Variants in HUS1 observed in about 807,000 individuals in gnomAD.
HUS1 encodes the protein checkpoint protein HUS1.
In HUS1, 31 loss-of-function variants were observed where a neutral mutation model predicts 32.6. The observed-to-expected ratio is 0.95, with a 90% CI of 0.72 to 1.28. HUS1 has a LOEUF of 1.28. HUS1 is among the 50% of genes most tolerant of loss of function. HUS1 has a pLI of 0.00. For synonymous variants in HUS1, 123 were observed against 116.6 expected (o/e 1.06, Z -0.36); for missense variants, 340 against 337.7 (o/e 1.01, Z -0.05).
chr7:47,975,532 G>C, intron 5 of HUS1, 81 bp downstream of exon 5: 1 of 876,796 alleles, frequency 1.1e-6, no homozygotes, highest in Non-Finnish European at 1.9e-6. Context: ...CACCTGCATG[G>C]ACTGCTGCAG....
In HUS1 at chr7:47,976,517, C is replaced by A. The variant is rs983557982; in HGVS notation, c.465+213G>T. On this transcript the variant is annotated intron_variant, in intron 4 of 7. Coordinates refer to ENST00000258774, the MANE Select transcript of HUS1 (RefSeq NM_004507.4). ...TTGTGTTTTAAGTGATGTTACTGAG[C>A]GAGACATTTTCTACATATAGGATGG... 36 of 609,770 alleles carry A rather than the reference C, an allele frequency of 5.9e-5. No homozygotes were observed. The East Asian group carries it at 1.2e-3, about 20-fold the overall frequency. 37.8% of individuals were successfully genotyped at this position (609,770 alleles called of 1,614,324 possible).
Position 47,963,397 on chromosome 7 carries a change from A to G in HUS1, c.*1959T>C, listed in dbSNP as rs1490019547. On this transcript the variant is annotated 3_prime_UTR_variant, in exon 8 of 8. Transcript: ENST00000258774. ...GTATTTGATAATAAACATCACATAG[A>G]GCAAATGGTTAAGTCACTAACACAT... 1 of 152,252 alleles carries G rather than the reference A, an allele frequency of 6.6e-6. No individual in the cohort carries two copies. The highest frequency in any genetic ancestry group is 1.5e-5 in the Non-Finnish European group (1 of 68,044). The allele number at this position is 152,252 out of a possible 1,614,324, so 9.4% of individuals were successfully genotyped here. A position where few individuals can be genotyped will look rare whatever the true frequency, so the allele number is the denominator to read the frequency against.
At chr7:47,976,473 T>C (rs1788706702) in intron 4 of HUS1, 1 of 539,016 alleles carries the variant, frequency 1.9e-6, no homozygotes, top group Admixed American at 2.2e-5. Flanking sequence ...AAATACTAAT[T>C]GTCCTCCAAA....
At chr7:47,977,466 G>C (rs887205079) in intron 3 of HUS1, among the ~76,000 whole-genome samples, 1 of 152,098 alleles carries the variant, frequency 6.6e-6, no homozygotes, top group African/African-American at 2.4e-5. Flanking sequence ...TTGCACTTTT[G>C]GACAAAAAGT....
Position 47,978,722 on chromosome 7 carries a change from A to G in HUS1, c.147T>C (p.Asn49=). 6.2e-7 allele frequency: 1 copy of G among 1,614,248 alleles called. No individual in the cohort carries two copies. Among genetic ancestry groups the G allele is most frequent in the South Asian group, 1.1e-5 (1 of 91,086 alleles). Residue 49 remains asparagine (N), a synonymous_variant, in exon 2 of 8, where the codon AAT becomes AAC. Coordinates refer to ENST00000258774, the MANE Select transcript of HUS1 (RefSeq NM_004507.4). The part of the protein sequence containing the change: ...LNFILCDKLA[N]GGVSMWCELE... ...GCTCACACCACATGCTCACTCCTCC[A>G]TTAGCCAGCTTGTCACAAAGGATGA...
intron 5 of HUS1, among the ~76,000 whole-genome samples, chr7:47,972,063 ATTG>A: frequency 6.6e-6 from 1 of 152,118 alleles, no homozygotes; most frequent in Non-Finnish European, 1.5e-5. Context: ...AAAAAAATAT[ATTG>A]TTATATTTCC....
chr7:47,976,663 A>G, intron 4 of HUS1, 67 bp downstream of exon 4: 1 of 887,048 alleles, frequency 1.1e-6, no homozygotes, highest in Non-Finnish European at 1.9e-6. Flanking sequence ...GACTACAACT[A>G]AAACTAGAGA....
intron 3 of HUS1, 87 bp downstream of exon 3, chr7:47,978,330 T>C: frequency 8.8e-7 from 1 of 1,131,398 alleles, no homozygotes; most frequent in Non-Finnish European, 1.3e-6. Flanking sequence ...CTTTCAACAG[T>C]ATTTATTGTT....
chr7:47,975,712 A>G, intron 4 of HUS1, 25 bp from the exon 5 acceptor site: 2 of 1,390,530 alleles, frequency 1.4e-6, no homozygotes, highest in Non-Finnish European at 2.0e-6. Context: ...AGAAAAAAGC[A>G]CAAGTATTAA....
chr7:47,977,956 G>C (rs776008071), intron 3 of HUS1, among the ~76,000 whole-genome samples: 2 of 152,294 alleles, frequency 1.3e-5, no homozygotes, highest in East Asian at 3.9e-4. Flanking sequence ...GTATGTATGC[G>C]CATGAGTTTG....
rs2307253 is a variant in HUS1 at position 47,978,779 on chromosome 7, G to A, written c.90C>T (p.Cys30=). 2.0e-3 allele frequency: 3,240 copies of A among 1,614,142 alleles called. 47 individuals are homozygous for A. The African/African-American group carries it at 0.037, about 18-fold the overall frequency. The change falls in exon 2 of 8, where the codon TGC becomes TGT. Residue 30 remains cysteine, a synonymous_variant. Transcript: ENST00000258774. ...SNMIAKLAKT[C]TLRISPDKLN... ...GCTTATCAGGGCTGATGCGGAGGGT[G>A]CAGGTTTTGGCAAGCTTGGCTATCA...
intron 5 of HUS1, among the ~76,000 whole-genome samples, chr7:47,971,994 T>C (rs1168132273): frequency 6.6e-6 from 1 of 152,268 alleles, no homozygotes; most frequent in Non-Finnish European, 1.5e-5. Flanking sequence ...AACTTACCTG[T>C]TGTATAATCT....
In HUS1 at chr7:47,967,800, A is replaced by T. The variant is rs1788510140; in HGVS notation, c.760+6T>A. The T allele has an allele frequency of 6.2e-7, 1 of 1,610,696 alleles. No individual in the cohort carries two copies. On this transcript the variant is annotated splice_donor_region_variant and intron_variant, in intron 7 of 7. Transcript: ENST00000258774. ...TATGAAAAACAAAACAGAGAAGCAC[A>T]CTCACTGCATAAGGCCTTTGTGGGA... is the stretch of plus-strand genomic sequence containing the variant.
rs2128763772 is a variant in HUS1, at chr7:47,963,932, A to T, written c.*1424T>A. The T allele has an allele frequency of 6.6e-6, 1 of 152,250 alleles. No individual in the cohort carries two copies. Among genetic ancestry groups the T allele is most frequent in the Non-Finnish European group, 1.5e-5 (1 of 68,018 alleles). 9.4% of individuals were successfully genotyped at this position (152,250 alleles called of 1,614,324 possible). On this transcript the variant is annotated 3_prime_UTR_variant, in exon 8 of 8. Coordinates refer to ENST00000258774, the MANE Select transcript of HUS1 (RefSeq NM_004507.4). Reference sequence around the variant, plus strand: ...AAAAAAAAAACCAAAAAACAAACAAAAAACCATTACTAAACATCAAAAGAA... The same window carrying T: ...AAAAAAAAAACCAAAAAACAAACAATAAACCATTACTAAACATCAAAAGAA...
chr7:47,963,712 C>A lies in HUS1; in HGVS notation c.*1644G>T, dbSNP rs1330678309. On this transcript the variant is annotated 3_prime_UTR_variant, in exon 8 of 8. Coordinates refer to ENST00000258774, the MANE Select transcript of HUS1 (RefSeq NM_004507.4). ...ATCACGAGGTCGAGATCGAGACCAT[C>A]CTGGCCAACACAGTGAAACTCCGTC... 1 of 151,752 alleles carries A rather than the reference C, an allele frequency of 6.6e-6. No homozygotes were observed. The highest frequency in any genetic ancestry group is 1.5e-5 in the Non-Finnish European group (1 of 67,940). 9.4% of individuals were successfully genotyped at this position (151,752 alleles called of 1,614,324 possible).
rs754299962 is a variant in HUS1 at position 47,979,563 on chromosome 7, A to G, written c.-44T>C. 2.8e-5 allele frequency: 42 copies of G among 1,512,996 alleles called. No individual in the cohort carries two copies. The highest frequency in any genetic ancestry group is 3.7e-5 in the Non-Finnish European group (40 of 1,093,828). 93.7% of individuals were successfully genotyped at this position (1,512,996 alleles called of 1,614,324 possible). A position where few individuals can be genotyped will look rare whatever the true frequency, so the allele number is the denominator to read the frequency against. The stretch of plus-strand genomic sequence containing the variant: ...CGCGGCGGGCCTCTGTGGGTAACAG[A>G]AAAGCGTCGCGCCCTGAGTGTCCCC... On this transcript the variant is annotated 5_prime_UTR_variant, in exon 1 of 8. Transcript: ENST00000258774.
At chr7:47,967,684 T>C (rs1021753309) in intron 7 of HUS1, 122 bp downstream of exon 7, 71 of 980,792 alleles carry the variant, frequency 7.2e-5, no homozygotes, top group Non-Finnish European at 1.0e-4. Flanking sequence ...AAAGTCCACA[T>C]AATTGAGCTT....
At chr7:47,969,800 C>T (rs190633640) in intron 5 of HUS1, among the ~76,000 whole-genome samples, 2 of 152,268 alleles carry the variant, frequency 1.3e-5, no homozygotes, top group East Asian at 1.9e-4. Context: ...AGGGACAGAT[C>T]TCAGAAAGTC....
At chr7:47,971,475 A>G (rs1040490321) in intron 5 of HUS1, 4 of 456,446 alleles carry the variant, frequency 8.8e-6, no homozygotes, top group Non-Finnish European at 1.8e-5. Flanking sequence ...AAGCTCCTCT[A>G]CCCACCCCAA....
Sources: allele counts gnomAD v4.1 joint callset (sites outside exome capture counted in the v4.1 genomes callset), GRCh38; gene constraint gnomAD v4.1.1; transcripts MANE v1.5; gene names NCBI Gene and HGNC (gene_info 2026-07-23, HGNC 2026-07-21).